The following EPHB2 variants were observed in gnomAD, a reference collection of about 807,000 sequenced individuals.
EPHB2 encodes the protein EPH receptor B2.
EPHB2 carries 18 observed loss-of-function variants against 96.4 expected under a neutral mutation model. That is an observed-to-expected ratio of 0.19 (90% CI 0.13 to 0.28). The LOEUF is 0.28. Ranked by LOEUF, EPHB2 falls within the 10% of genes least tolerant of loss-of-function variation. The pLI, the probability that EPHB2 is intolerant of heterozygous loss-of-function variation, is 1.00. For missense variants in EPHB2, 989 were observed against 1,355.4 expected (o/e 0.73, Z 4.25); for synonymous variants, 506 against 534.1 (o/e 0.95, Z 0.72).
At chr1:22,865,247 C>T in intron 5 of EPHB2, 35 bp downstream of exon 5, 1 of 1,611,460 alleles carries the variant, frequency 6.2e-7, no homozygotes, top group South Asian at 1.1e-5. Context: ...GGGAGTGCCC[C>T]ATCGCGCTGT....
chr1:22,866,185 T>C (rs1412849464), intron 5 of EPHB2, among the ~76,000 whole-genome samples: 1 of 152,134 alleles, frequency 6.6e-6, no homozygotes, highest in Non-Finnish European at 1.5e-5. Context: ...GCACTGTGAG[T>C]GTGCCCCTCA....
Position 22,860,079 on chromosome 1 carries a change from C to T in EPHB2, c.812-2958C>T, listed in dbSNP as rs933091724. 3.3e-5 allele frequency among the ~76,000 whole-genome samples: 5 copies of T among 152,142 alleles called. No individual in the cohort carries two copies. The highest frequency in any genetic ancestry group is 7.2e-5 in the African/African-American group (3 of 41,436). On this transcript the variant is annotated intron_variant, in intron 3 of 15. Coordinates refer to ENST00000374630, the MANE Select transcript of EPHB2 (RefSeq NM_017449.5). This position sits in a 1 kb window ranked among gnomAD's most constrained non-coding sequence, Gnocchi z 4.6. ...CGATGTGTCCAGGGTTCACCTGTACCGTAGCATGTGTCAATGCTTCGTTCC... is the reference window on the plus strand; with the variant it reads ...CGATGTGTCCAGGGTTCACCTGTACTGTAGCATGTGTCAATGCTTCGTTCC...
rs1387089342 is a variant in EPHB2, at chr1:22,800,794, A to ACT, written c.811+15719_811+15720insTC. 6.7e-4 allele frequency among the ~76,000 whole-genome samples: 102 copies of ACT among 151,608 alleles called. 1 individual carries two copies. Among genetic ancestry groups the ACT allele is most frequent in the African/African-American group, 2.3e-3 (97 of 41,306 alleles). ...GTGACACACACACACACACACACAC[A>ACT]CACTCTCTCTCTCTTTCTGGGGACC... On this transcript the variant is annotated intron_variant, in intron 3 of 15. Transcript: ENST00000374630.
chr1:22,782,206 A>T lies in EPHB2; in HGVS notation c.126+721A>T, dbSNP rs545431658. The stretch of plus-strand genomic sequence containing the variant: ...TCTCTGAGCTTCAGTTTCTTCATCT[A>T]TAAAATGGTGATGATGTTTTAGACC... On this transcript the variant is annotated intron_variant, in intron 2 of 15. Transcript: ENST00000374630. Among the ~76,000 whole-genome samples, 7 of 152,300 alleles carry T rather than the reference A, an allele frequency of 4.6e-5. No homozygotes were observed. In the East Asian group the frequency reaches 1.3e-3, roughly 29 times the overall value.
At position 22,858,417 on chromosome 1, in the gene EPHB2, C is replaced by T. The variant is rs1170656390; in HGVS notation, c.812-4620C>T. On this transcript the variant is annotated intron_variant, in intron 3 of 15. Transcript: ENST00000374630. This position sits in a 1 kb window ranked among gnomAD's most constrained non-coding sequence, Gnocchi z 7.7. ...GACTGTGGAAGATTGGCAGAGAGGC[C>T]ACAGTGGAGCAGAGACCCATTCGAT... Among the ~76,000 whole-genome samples, 1 of 152,124 alleles carries T rather than the reference C, an allele frequency of 6.6e-6. No homozygotes were observed. Among genetic ancestry groups the T allele is most frequent in the African/African-American group, 2.4e-5 (1 of 41,416 alleles).
chr1:22,887,011 G>C (rs144901577), intron 6 of EPHB2, among the ~76,000 whole-genome samples: 5 of 152,256 alleles, frequency 3.3e-5, no homozygotes, highest in Admixed American at 6.5e-5. Flanking sequence ...TCCTGGGGCA[G>C]ATGCAGGTTT....
chr1:22,711,298 C>G (rs1222411946), intron 1 of EPHB2, among the ~76,000 whole-genome samples: 1 of 147,640 alleles, frequency 6.8e-6, no homozygotes. Context: ...GTAGCCAGCC[C>G]GGCGAGCGCC....
intron 6 of EPHB2, among the ~76,000 whole-genome samples, chr1:22,890,168 A>T (rs1055208817): frequency 6.6e-6 from 1 of 152,170 alleles, no homozygotes; most frequent in Non-Finnish European, 1.5e-5. Context: ...GGGAACAAAC[A>T]CAAGCCCTCC....
intron 3 of EPHB2, among the ~76,000 whole-genome samples, chr1:22,849,484 GTC>G (rs1364836142): frequency 6.6e-6 from 1 of 152,206 alleles, no homozygotes; most frequent in Non-Finnish European, 1.5e-5. Context: ...GAACCGAGCA[GTC>G]TATGTGGAAC....
chr1:22,892,060 G>C (rs886927110), intron 6 of EPHB2, among the ~76,000 whole-genome samples: 1 of 151,602 alleles, frequency 6.6e-6, no homozygotes, highest in African/African-American at 2.4e-5. Context: ...GTCTCCCAGA[G>C]TTCTGGGATT....
At chr1:22,818,717 C>T (rs983738646) in intron 3 of EPHB2, among the ~76,000 whole-genome samples, 1 of 152,094 alleles carries the variant, frequency 6.6e-6, no homozygotes. Flanking sequence ...CTTTCTCTTC[C>T]CTCCCCTGCA....
At chr1:22,884,396 T>G (rs2148554446) in intron 6 of EPHB2, among the ~76,000 whole-genome samples, 1 of 152,174 alleles carries the variant, frequency 6.6e-6, no homozygotes. Context: ...ATCCCAGCAC[T>G]TTGGGAGGCC....
intron 3 of EPHB2, among the ~76,000 whole-genome samples, chr1:22,826,236 G>A (rs1645221890): frequency 6.6e-6 from 1 of 152,174 alleles, no homozygotes; most frequent in South Asian, 2.1e-4. Flanking sequence ...CATAGATAGT[G>A]CACTCTTTAG....
At position 22,718,751 on chromosome 1, in the gene EPHB2, C is replaced by T. The variant is rs561080850; in HGVS notation, c.61+7708C>T. ...TATGTGTGTTGCCTTGTGCAGTTGCCCCAAGAGCCCCACAGGTCGTTGTAT... is the reference window on the plus strand; with the variant it reads ...TATGTGTGTTGCCTTGTGCAGTTGCTCCAAGAGCCCCACAGGTCGTTGTAT... On this transcript the variant is annotated intron_variant, in intron 1 of 15. Coordinates refer to ENST00000374630, the MANE Select transcript of EPHB2 (RefSeq NM_017449.5). Among the ~76,000 whole-genome samples, 163 of 152,218 alleles carry T rather than the reference C, an allele frequency of 1.1e-3. 1 individual carries two copies. The South Asian group carries it at 0.014, about 13-fold the overall frequency.
At chr1:22,723,961 C>T (rs1333024322) in intron 1 of EPHB2, among the ~76,000 whole-genome samples, 1 of 152,202 alleles carries the variant, frequency 6.6e-6, no homozygotes, top group Non-Finnish European at 1.5e-5. Flanking sequence ...CTGAATCCTA[C>T]AGATGAAAAA....
At chr1:22,802,335 G>A (rs2148449162) in intron 3 of EPHB2, among the ~76,000 whole-genome samples, 1 of 152,240 alleles carries the variant, frequency 6.6e-6, no homozygotes, top group Admixed American at 6.5e-5. Flanking sequence ...GAGGGGCTTT[G>A]GGGGATTGAT....
chr1:22,727,641 G>T (rs1353529042), intron 1 of EPHB2, among the ~76,000 whole-genome samples: 2 of 152,142 alleles, frequency 1.3e-5, no homozygotes, highest in African/African-American at 4.8e-5. Flanking sequence ...GGCACGGCTG[G>T]AACTTGGGGC....
At chr1:22,835,413 A>G (rs181449855) in intron 3 of EPHB2, among the ~76,000 whole-genome samples, 1 of 152,286 alleles carries the variant, frequency 6.6e-6, no homozygotes, top group East Asian at 1.9e-4. Context: ...GAAAGAGGAC[A>G]TAACAGGAAG....
At chr1:22,854,637 A>G (rs997779831) in intron 3 of EPHB2, among the ~76,000 whole-genome samples, 4 of 152,330 alleles carry the variant, frequency 2.6e-5, no homozygotes, top group African/African-American at 7.2e-5. Flanking sequence ...TAAAATGGGA[A>G]TAACACCTCC....
Sources: allele counts gnomAD v4.1 joint callset (sites outside exome capture counted in the v4.1 genomes callset), GRCh38; gene constraint gnomAD v4.1.1; non-coding constraint Gnocchi (gnomAD v3.1); transcripts MANE v1.5; gene names NCBI Gene and HGNC (gene_info 2026-07-23, HGNC 2026-07-21).